The following ARID1B variants were observed in gnomAD, a reference collection of about 807,000 sequenced individuals.
ARID1B encodes AT-rich interaction domain 1B.
Under a neutral mutation model 212.3 loss-of-function variants are expected in ARID1B, and 30 were observed. The ratio of observed to expected loss-of-function variants is 0.14; its 90% CI spans 0.11 to 0.19. The LOEUF is 0.19. Ranked by LOEUF, ARID1B falls within the 10% of genes least tolerant of loss-of-function variation. The pLI is 1.00. For missense variants in ARID1B, 2,891 were observed against 3,204.0 expected, an observed-to-expected ratio of 0.90 and a Z score of 2.36; for synonymous variants, 1,402 against 1,301.7, an observed-to-expected ratio of 1.08 and a Z score of -1.66.
At chr6:156,926,641 C>T (rs1791239536) in intron 3 of ARID1B, among the ~76,000 whole-genome samples, 1 of 152,182 alleles carries the variant, frequency 6.6e-6, no homozygotes. Context: ...TCCCCCTTCT[C>T]ATCCCCGTAT....
intron 5 of ARID1B, among the ~76,000 whole-genome samples, chr6:157,100,686 G>A (rs935266417): frequency 3.3e-5 from 5 of 152,218 alleles, no homozygotes; most frequent in African/African-American, 1.2e-4. Context: ...AATGACCCAT[G>A]AAATCCTTGT....
chr6:156,926,255 A>C (rs1391685315), intron 3 of ARID1B, among the ~76,000 whole-genome samples: 1 of 152,186 alleles, frequency 6.6e-6, no homozygotes, highest in Non-Finnish European at 1.5e-5. Flanking sequence ...CTAGGGGAAA[A>C]ATGAAATTGT....
chr6:156,882,490 G>A (rs1787177667), intron 2 of ARID1B, among the ~76,000 whole-genome samples: 1 of 152,174 alleles, frequency 6.6e-6, no homozygotes, highest in South Asian at 2.1e-4. Context: ...GGAAAATATA[G>A]AGGTGTTTGA....
At chr6:156,818,065 G>T (rs918028660) in intron 1 of ARID1B, among the ~76,000 whole-genome samples, 2 of 118,818 alleles carry the variant, frequency 1.7e-5, no homozygotes, top group African/African-American at 6.5e-5. Context: ...GTAAGATTCT[G>T]TCTGGCCTTT....
At position 157,084,768 on chromosome 6, in the gene ARID1B, C is replaced by T. The variant is rs1282587061; in HGVS notation, c.2354C>T (p.Pro785Leu). Residue 785 changes from proline (P) to leucine (L), a missense_variant, in exon 5 of 20, where the codon CCG (proline) becomes CTG (leucine). By Grantham distance (98) the Pro-to-Leu change is moderately conservative. Around this residue, in one of 7 missense-constraint regions of ARID1B, gnomAD observed 1,643 missense variants for 1,544.0 expected, o/e 1.06. Coordinates refer to ENST00000636930, the MANE Select transcript of ARID1B (RefSeq NM_001374828.1). Reference sequence around the variant, plus strand: ...AGCAGCCAAGGGGATCAGAGCAACCCGGCGCAGTCGCCTTTCTCCCCACAT... The same window carrying T: ...AGCAGCCAAGGGGATCAGAGCAACCTGGCGCAGTCGCCTTTCTCCCCACAT... The part of the protein sequence containing the change: ...STSSQGDQSN[P>L]AQSPFSPHAS... 8.7e-6 allele frequency: 14 copies of T among 1,613,998 alleles called. No individual in the cohort carries two copies. The highest frequency in any genetic ancestry group is 2.2e-5 in the South Asian group (2 of 91,084).
chr6:157,102,319 A>G (rs1786100616), intron 5 of ARID1B, among the ~76,000 whole-genome samples: 1 of 152,196 alleles, frequency 6.6e-6, no homozygotes, highest in East Asian at 1.9e-4. Flanking sequence ...TCTGATCCGA[A>G]AGAGTTGGAA....
At chr6:157,084,640 A>C in intron 4 of ARID1B, 22 bp from the exon 5 acceptor site, 1 of 1,612,386 alleles carries the variant, frequency 6.2e-7, no homozygotes, top group Non-Finnish European at 8.5e-7. Flanking sequence ...TCACTCTATA[A>C]ATACATCTTT....
intron 4 of ARID1B, among the ~76,000 whole-genome samples, chr6:157,055,737 C>T (rs1782918067): frequency 6.6e-6 from 1 of 152,164 alleles, no homozygotes; most frequent in South Asian, 2.1e-4. Flanking sequence ...GTCCTCTACT[C>T]AGGATCTCGT....
chr6:157,026,680 A>T (rs186219545), intron 4 of ARID1B, among the ~76,000 whole-genome samples: 1 of 152,256 alleles, frequency 6.6e-6, no homozygotes, highest in East Asian at 1.9e-4. Flanking sequence ...TTGTGCTAAA[A>T]TACCCTTTTT....
rs1554234988 is a variant in ARID1B, at chr6:157,198,857, G to A, written c.4429G>A (p.Gly1477Arg). 1 of 1,611,558 alleles carries A rather than the reference G, an allele frequency of 6.2e-7. No individual in the cohort carries two copies. The highest frequency in any genetic ancestry group is 8.5e-7 in the Non-Finnish European group (1 of 1,179,124). ...QQYPGQGPPS[G>R]QPPYGGHQPG... ...GTATCCAGGCCAAGGCCCTCCCTCGGGACAGCCGCCGTATGGAGGGCACCA... is the reference window on the plus strand; with the variant it reads ...GTATCCAGGCCAAGGCCCTCCCTCGAGACAGCCGCCGTATGGAGGGCACCA... The change falls in exon 17 of 20, where the codon GGA (glycine) becomes AGA (arginine). Residue 1477 changes from glycine (G) to arginine (R), a missense_variant. By Grantham distance (125) the Gly-to-Arg change is moderately radical (BLOSUM62 -2). This residue lies in a region of ARID1B where 666 missense variants were observed against 873.5 expected (regional missense o/e 0.76). Coordinates refer to ENST00000636930, the MANE Select transcript of ARID1B (RefSeq NM_001374828.1).
At chr6:156,950,489 T>C (rs1278357670) in intron 4 of ARID1B, among the ~76,000 whole-genome samples, 2 of 152,234 alleles carry the variant, frequency 1.3e-5, no homozygotes, top group African/African-American at 4.8e-5. Flanking sequence ...GAAAGGGACA[T>C]GCCTAAATAA....
chr6:156,807,311 A>G (rs577312739), intron 1 of ARID1B, among the ~76,000 whole-genome samples: 11 of 152,122 alleles, frequency 7.2e-5, no homozygotes, highest in Non-Finnish European at 7.4e-5. Flanking sequence ...AGAAGCTTGC[A>G]TGTCAGAAAC....
chr6:156,856,802 T>TTGCCTTTGCTAAATGGTAAAATGCA (rs60089699), intron 2 of ARID1B, among the ~76,000 whole-genome samples: 6 of 150,732 alleles, frequency 4.0e-5, no homozygotes, highest in African/African-American at 1.5e-4. Context: ...GAAAAACCCA[T>TTGCCTTTGCTAAATGGTAAAATGCA]TCAGTCATAT....
intron 7 of ARID1B, among the ~76,000 whole-genome samples, chr6:157,145,197 G>T (rs117336408): frequency 6.6e-6 from 1 of 152,304 alleles, no homozygotes; most frequent in South Asian, 2.1e-4. Flanking sequence ...CTTACTTGCT[G>T]TTGCTAGTGT....
intron 4 of ARID1B, among the ~76,000 whole-genome samples, chr6:156,962,254 A>G (rs1047125057): frequency 2.0e-5 from 3 of 152,210 alleles, no homozygotes; most frequent in South Asian, 4.2e-4. Context: ...AGCTGAGATC[A>G]CGCCACTGCA....
Position 156,949,250 on chromosome 6 carries a change from A to G in ARID1B, c.2247+13674A>G, listed in dbSNP as rs112873396. Among the ~76,000 whole-genome samples the G allele has an allele frequency of 2.2e-3, 337 of 152,068 alleles. 1 individual carries two copies. The highest frequency in any genetic ancestry group is 7.8e-3 in the African/African-American group (323 of 41,486). ...TTATAGGGATAAAAACATCTTTCAT[A>G]TAATTCTGGCCTGTTTTAGGGGTAT... On this transcript the variant is annotated intron_variant, in intron 4 of 19. Transcript: ENST00000636930.
intron 4 of ARID1B, among the ~76,000 whole-genome samples, chr6:157,035,048 G>A (rs995726701): frequency 3.9e-5 from 6 of 152,192 alleles, no homozygotes; most frequent in African/African-American, 1.4e-4. Flanking sequence ...TCTGTCTGCT[G>A]AAATAGCCAC....
intron 18 of ARID1B, among the ~76,000 whole-genome samples, chr6:157,202,119 T>A (rs1159549806): frequency 6.6e-6 from 1 of 152,216 alleles, no homozygotes; most frequent in Non-Finnish European, 1.5e-5. Context: ...CTGTGATACA[T>A]AGAACTGATA....
chr6:157,108,831 A>G (rs1786684567), intron 5 of ARID1B, among the ~76,000 whole-genome samples: 2 of 152,226 alleles, frequency 1.3e-5, no homozygotes. Context: ...TGTAAAAAGC[A>G]GCTTCTAGTG....
Sources: gnomAD v4.1 joint callset for allele counts (sites outside exome capture counted in the v4.1 genomes callset) on GRCh38, gnomAD v4.1.1 for gene constraint, gnomAD v4.1.1 regional missense constraint, MANE v1.5 for transcripts, NCBI Gene and HGNC (gene_info 2026-07-23, HGNC 2026-07-21) for gene names.